Variants in CAB39 observed in about 807,000 individuals in gnomAD.
The protein encoded by CAB39 is calcium-binding protein 39.
In CAB39, 8 loss-of-function variants were observed where a neutral mutation model predicts 40.0. The observed-to-expected ratio is 0.20, with a 90% CI of 0.12 to 0.36. CAB39 has a LOEUF of 0.36. CAB39 is among the 10% of genes least tolerant of loss of function. CAB39 has a pLI of 1.00. For missense variants in CAB39, 270 were observed against 401.1 expected, an observed-to-expected ratio of 0.67 and a Z score of 2.79; for synonymous variants, 156 against 141.6, an observed-to-expected ratio of 1.10 and a Z score of -0.72.
Position 230,818,602 on chromosome 2 carries a change from G to A in CAB39, c.924G>A (p.Lys308=), listed in dbSNP as rs184587998. ...NQAKLIEFLS[K]FQNDRTEDEQ... ...CCAAACTCATAGAGTTCCTCAGCAAGTTTCAGAACGACAGGACGGAGGATG... is the reference window on the plus strand; with the variant it reads ...CCAAACTCATAGAGTTCCTCAGCAAATTTCAGAACGACAGGACGGAGGATG... Residue 308 remains lysine (K), a synonymous_variant, in exon 9 of 9, where the codon AAG becomes AAA. Transcript: ENST00000258418. 1.9e-6 allele frequency: 3 copies of A among 1,614,168 alleles called. No homozygotes were observed. The highest frequency in any genetic ancestry group is 1.7e-5 in the Admixed American group (1 of 60,028).
chr2:230,804,172 G>A (rs1473669399), intron 5 of CAB39, among the ~76,000 whole-genome samples: 2 of 152,170 alleles, frequency 1.3e-5, no homozygotes, highest in African/African-American at 4.8e-5. Context: ...TTTAATAAAT[G>A]GTGCTGGGAA....
At chr2:230,774,024 T>C (rs916308102) in intron 2 of CAB39, among the ~76,000 whole-genome samples, 2 of 152,174 alleles carry the variant, frequency 1.3e-5, no homozygotes, top group African/African-American at 4.8e-5. Flanking sequence ...TGCCTTTGTA[T>C]AGAGTCCCCC....
At chr2:230,724,059 C>A (rs373654274) in intron 1 of CAB39, among the ~76,000 whole-genome samples, 1 of 151,850 alleles carries the variant, frequency 6.6e-6, no homozygotes. Context: ...CCAGCCTGGG[C>A]AACATGGTGA....
At chr2:230,752,115 A>G (rs1174434194) in intron 1 of CAB39, 3 of 146,448 alleles carry the variant, frequency 2.0e-5, no homozygotes. Context: ...TTAAAAAGCA[A>G]TGCCTTTTTT....
At position 230,818,751 on chromosome 2, in the gene CAB39, A is replaced by G; in HGVS notation, c.*47A>G. The G allele has an allele frequency of 6.9e-7, 1 of 1,449,064 alleles. No homozygotes were observed. The highest frequency in any genetic ancestry group is 1.2e-5 in the South Asian group (1 of 83,928). The allele number at this position is 1,449,064 out of a possible 1,614,324, so 89.8% of individuals were successfully genotyped here. On this transcript the variant is annotated 3_prime_UTR_variant, in exon 9 of 9. Coordinates refer to ENST00000258418, the MANE Select transcript of CAB39 (RefSeq NM_016289.4). ...AAATCCAAATTCAGCATTTGCTGTTAGCTATTCAGCATCAGGCACTCTTAT... is the reference window on the plus strand; with the variant it reads ...AAATCCAAATTCAGCATTTGCTGTTGGCTATTCAGCATCAGGCACTCTTAT...
In CAB39 at chr2:230,797,243, A is replaced by G. The variant is rs563704547; in HGVS notation, c.399-1486A>G. Among the ~76,000 whole-genome samples the G allele has an allele frequency of 1.2e-3, 186 of 152,314 alleles. 4 individuals are homozygous for G. The South Asian group carries it at 0.018, about 14-fold the overall frequency. ...CCTTTGAAGGCTTTTGAAGCCTGAC[A>G]TTGAAGTTGGGAAGATTTGGAGTAA... On this transcript the variant is annotated intron_variant, in intron 4 of 8. Transcript: ENST00000258418.
intron 2 of CAB39, among the ~76,000 whole-genome samples, chr2:230,760,773 C>G (rs891175251): frequency 4.6e-5 from 7 of 152,192 alleles, no homozygotes; most frequent in African/African-American, 1.7e-4. Context: ...CTTGCCCTCT[C>G]TTCCCTAAAA....
At chr2:230,735,271 A>G (rs568907003) in intron 1 of CAB39, among the ~76,000 whole-genome samples, 179 of 142,712 alleles carry the variant, frequency 1.3e-3, no homozygotes, top group African/African-American at 4.4e-3. Flanking sequence ...GGTTCAAGCA[A>G]TTCTCCTGCC....
chr2:230,809,030 TCA>T (rs1338028614), intron 5 of CAB39, among the ~76,000 whole-genome samples: 14 of 151,894 alleles, frequency 9.2e-5, no homozygotes, highest in Admixed American at 9.2e-4. Context: ...CAGTGTAGAG[TCA>T]CAGCTATGTC....
chr2:230,788,037 A>G (rs372955712), intron 2 of CAB39, among the ~76,000 whole-genome samples: 51 of 152,344 alleles, frequency 3.3e-4, no homozygotes, highest in African/African-American at 1.2e-3. Context: ...AGGTTACATA[A>G]CTGAATACCA....
Position 230,751,093 on chromosome 2 carries a change from A to G in CAB39, c.-43-8866A>G, listed in dbSNP as rs530157206. On this transcript the variant is annotated intron_variant, in intron 1 of 8. Coordinates refer to ENST00000258418, the MANE Select transcript of CAB39 (RefSeq NM_016289.4). The stretch of plus-strand genomic sequence containing the variant: ...TCTTAGAGCCAGTTATCTAAAAAGA[A>G]TGTGTTCATGCATGTACTACATTTC... Among the ~76,000 whole-genome samples, 16 of 152,386 alleles carry G rather than the reference A, an allele frequency of 1.0e-4. No homozygotes were observed. In the East Asian group the frequency reaches 3.1e-3, roughly 29 times the overall value.
Position 230,732,381 on chromosome 2 carries a change from C to T in CAB39, c.-44+19151C>T, listed in dbSNP as rs142951854. 3.9e-4 allele frequency among the ~76,000 whole-genome samples: 59 copies of T among 152,228 alleles called. No individual in the cohort carries two copies. In the East Asian group the frequency reaches 0.011, roughly 28 times the overall value. On this transcript the variant is annotated intron_variant, in intron 1 of 8. Transcript: ENST00000258418. ...ACTGGCGTGAGCCACCGCGCCCGGC[C>T]GAAATTATCTCTTAACAGGAGAACT...
chr2:230,812,732 A>G (rs1696326889), intron 6 of CAB39, among the ~76,000 whole-genome samples: 2 of 152,228 alleles, frequency 1.3e-5, no homozygotes, highest in Admixed American at 1.3e-4. Context: ...CAGAAGAAAT[A>G]ATGTATAATT....
intron 5 of CAB39, among the ~76,000 whole-genome samples, chr2:230,800,115 A>G (rs533020944): frequency 6.6e-6 from 1 of 152,282 alleles, no homozygotes; most frequent in East Asian, 1.9e-4. Flanking sequence ...ACACTATCAC[A>G]GTGAGAAGTG....
chr2:230,727,263 T>A (rs979662740), intron 1 of CAB39, among the ~76,000 whole-genome samples: 35 of 151,208 alleles, frequency 2.3e-4, no homozygotes, highest in Admixed American at 4.0e-4. Flanking sequence ...CGGGTACCCT[T>A]ATGGAAGCTA....
At chr2:230,754,914 A>C (rs974068715) in intron 1 of CAB39, among the ~76,000 whole-genome samples, 1 of 152,182 alleles carries the variant, frequency 6.6e-6, no homozygotes, top group African/African-American at 2.4e-5. Flanking sequence ...CTTAGCTCCC[A>C]CATGTCAGTG....
Position 230,817,737 on chromosome 2 carries a change from T to A in CAB39, c.694-17T>A. 6.4e-7 allele frequency: 1 copy of A among 1,559,920 alleles called. No homozygotes were observed. Among genetic ancestry groups the A allele is most frequent in the Non-Finnish European group, 8.7e-7 (1 of 1,155,314 alleles). ...TTAAGTTTTAATAACAAGGTAATTG[T>A]TTAAATGTCTTCTCAGCTTCTCGGT... On this transcript the variant is annotated splice_polypyrimidine_tract_variant and intron_variant, in intron 7 of 8. Coordinates refer to ENST00000258418, the MANE Select transcript of CAB39 (RefSeq NM_016289.4).
Position 230,759,170 on chromosome 2 carries a change from A to G in CAB39, c.-43-789A>G, listed in dbSNP as rs61685378. Among the ~76,000 whole-genome samples, 716 of 152,316 alleles carry G rather than the reference A, an allele frequency of 4.7e-3. 5 individuals carry two copies. The highest frequency in any genetic ancestry group is 0.016 in the African/African-American group (673 of 41,568). On this transcript the variant is annotated intron_variant, in intron 1 of 8. Transcript: ENST00000258418. Reference sequence around the variant, plus strand: ...AAGAGTACATCTTGACAACTGTCACATAGGGGATTACAGGATCTAATGGGA... The same window carrying G: ...AAGAGTACATCTTGACAACTGTCACGTAGGGGATTACAGGATCTAATGGGA...
intron 1 of CAB39, among the ~76,000 whole-genome samples, chr2:230,725,575 C>T (rs1694551892): frequency 6.6e-6 from 1 of 152,006 alleles, no homozygotes; most frequent in African/African-American, 2.4e-5. Flanking sequence ...TGTAATTGGC[C>T]CGAAGTTATA....
Sources: allele counts gnomAD v4.1 joint callset (sites outside exome capture counted in the v4.1 genomes callset), GRCh38; gene constraint gnomAD v4.1.1; transcripts MANE v1.5; gene names NCBI Gene and HGNC (gene_info 2026-07-23, HGNC 2026-07-21).